PTPRF: variants seen among roughly 807,000 people sequenced by gnomAD.
PTPRF encodes protein tyrosine phosphatase receptor type F.
In PTPRF, 59 loss-of-function variants were observed where a neutral mutation model predicts 201.8. That is an observed-to-expected ratio of 0.29 (90% CI 0.24 to 0.36). The LOEUF (loss-of-function observed/expected upper bound fraction) is 0.36, where lower values mean the gene tolerates loss of function less well. PTPRF is among the 10% of genes least tolerant of loss of function. The pLI, the probability that PTPRF is intolerant of heterozygous loss-of-function variation, is 1.00. For missense variants in PTPRF, 2,132 were observed against 2,690.5 expected, an observed-to-expected ratio of 0.79 and a Z score of 4.59; for synonymous variants, 1,088 against 1,089.7, an observed-to-expected ratio of 1.00 and a Z score of 0.03.
rs546367950 is a variant in PTPRF at position 43,550,466 on chromosome 1, G to C, written c.92-3026G>C. 3.3e-5 allele frequency among the ~76,000 whole-genome samples: 5 copies of C among 152,294 alleles called. No homozygotes were observed. The East Asian group carries it at 9.6e-4, about 29-fold the overall frequency. Reference sequence around the variant, plus strand: ...GAGCTGGAGGGGCACTTTCTCCCTGGGTTTCTCTTCCCTGGTGCAGCAGGG... The same window carrying C: ...GAGCTGGAGGGGCACTTTCTCCCTGCGTTTCTCTTCCCTGGTGCAGCAGGG... On this transcript the variant is annotated intron_variant, in intron 3 of 33. Transcript: ENST00000359947.
chr1:43,600,033 C>T (rs902088288), intron 13 of PTPRF, among the ~76,000 whole-genome samples: 2 of 152,188 alleles, frequency 1.3e-5, no homozygotes, highest in African/African-American at 2.4e-5. Flanking sequence ...AGACAGGAGC[C>T]TTATTCCTCC....
At position 43,597,732 on chromosome 1, in the gene PTPRF, C is replaced by CA; in HGVS notation, c.1814-15dup. 6.9e-7 allele frequency: 1 copy of CA among 1,440,890 alleles called. No individual in the cohort carries two copies. The allele number at this position is 1,440,890 out of a possible 1,614,324, so 89.3% of individuals were successfully genotyped here. On this transcript the variant is annotated splice_polypyrimidine_tract_variant and intron_variant, in intron 11 of 33. Transcript: ENST00000359947. The stretch of plus-strand genomic sequence containing the variant: ...ACCCTCCATCTGCTTGCTTCCCCCC[C>CA]ATTTGTCTTCCCCAGCCCCCTCCGC...
intron 5 of PTPRF, among the ~76,000 whole-genome samples, chr1:43,568,069 G>T (rs370468115): frequency 6.6e-6 from 1 of 152,220 alleles, no homozygotes; most frequent in South Asian, 2.1e-4. Context: ...GCCGAGGCGG[G>T]TAGATCACCA....
intron 7 of PTPRF, chr1:43,583,047 G>A (rs1648146327): frequency 1.4e-5 from 14 of 983,126 alleles, no homozygotes; most frequent in African/African-American, 1.8e-5. Flanking sequence ...CATCTTCATC[G>A]CACTCTGCCA....
intron 21 of PTPRF, 51 bp downstream of exon 21, chr1:43,607,019 C>T (rs1324673233): frequency 6.3e-7 from 1 of 1,598,158 alleles, no homozygotes; most frequent in Non-Finnish European, 8.5e-7. Flanking sequence ...CCTCGCCTTT[C>T]AGGCCCTCTC....
chr1:43,611,413 C>T (rs942516715), intron 22 of PTPRF, among the ~76,000 whole-genome samples: 2 of 152,164 alleles, frequency 1.3e-5, no homozygotes, highest in South Asian at 2.1e-4. Flanking sequence ...ATTGCATGTG[C>T]GTCAAATTAT....
At position 43,617,306 on chromosome 1, in the gene PTPRF, C is replaced by G. The variant is rs551302670; in HGVS notation, c.4072-139C>G. 8.0e-6 allele frequency: 10 copies of G among 1,255,026 alleles called. No individual in the cohort carries two copies. The East Asian group carries it at 2.5e-4, about 31-fold the overall frequency. The allele number at this position is 1,255,026 out of a possible 1,614,324, so 77.7% of individuals were successfully genotyped here. A position where few individuals can be genotyped will look rare whatever the true frequency, so the allele number is the denominator to read the frequency against. The stretch of plus-strand genomic sequence containing the variant: ...AACCTGTGAGCTCCATGGCTGGCAC[C>G]ACGAGATAGAGGGCCTGGCTGTGGC... On this transcript the variant is annotated intron_variant, in intron 23 of 33. Transcript: ENST00000359947.
At chr1:43,619,224 C>T (rs531844091) in intron 27 of PTPRF, 22 bp downstream of exon 27, 6 of 1,481,510 alleles carry the variant, frequency 4.0e-6, no homozygotes, top group Non-Finnish European at 5.5e-6. Context: ...CAGTGCCACC[C>T]AGAGGGGTGG....
At chr1:43,573,977 C>CTTTTTTTTTTTTTTTTTTTTT (rs77543816) in intron 6 of PTPRF, among the ~76,000 whole-genome samples, 2 of 63,918 alleles carry the variant, frequency 3.1e-5, no homozygotes, top group East Asian at 1.3e-3. Flanking sequence ...TGTGTGGGTT[C>CTTTTTTTTTTTTTTTTTTTTT]TTTTTTTTTT....
rs1216259641 is a variant in PTPRF at position 43,620,943 on chromosome 1, A to G, written c.5470A>G (p.Lys1824Glu). The change falls in exon 32 of 34, where the codon AAG becomes GAG. Residue 1824 changes from lysine (K) to glutamate (E), a missense_variant. Transcript: ENST00000359947. ...GFIDFIGQVH[K>E]TKEQFGQDGP... ...CATTGACTTCATCGGGCAGGTGCAT[A>G]AGACCAAGGAGCAGTTTGGACAGGA... 1.9e-6 allele frequency: 3 copies of G among 1,614,078 alleles called. No individual in the cohort carries two copies. Among genetic ancestry groups the G allele is most frequent in the Admixed American group, 1.7e-5 (1 of 60,000 alleles).
At chr1:43,527,218 C>T (rs531141031), upstream of PTPRF, among the ~76,000 whole-genome samples, 1 of 152,182 alleles carries the variant, frequency 6.6e-6, no homozygotes, top group Non-Finnish European at 1.5e-5. Flanking sequence ...CACACAATGA[C>T]CACATGGTGC....
chr1:43,571,069 A>G (rs1478014973), intron 6 of PTPRF, among the ~76,000 whole-genome samples: 2 of 151,672 alleles, frequency 1.3e-5, no homozygotes, highest in Non-Finnish European at 1.5e-5. Flanking sequence ...TCGCTCACAC[A>G]TTGGTTCATC....
chr1:43,591,187 G>C lies in PTPRF; in HGVS notation c.1165G>C (p.Val389Leu), dbSNP rs1650602790. The change falls in exon 9 of 34, where the codon GTG (valine) becomes CTG (leucine). Residue 389 changes from valine to leucine, a missense_variant. By Grantham distance (32) the Val-to-Leu change is conservative (BLOSUM62 1). This residue lies in a region of PTPRF where 351 missense variants were observed against 401.7 expected (regional missense o/e 0.87). Transcript: ENST00000359947. ...CCCTTTCTCGGAATATGCCTTCCGC[G>C]TGCTGGCGGTGAACAGCATCGGGCG... ...LSPFSEYAFR[V>L]LAVNSIGRGP... 1 of 1,610,904 alleles carries C rather than the reference G, an allele frequency of 6.2e-7. No individual in the cohort carries two copies. Among genetic ancestry groups the C allele is most frequent in the Non-Finnish European group, 8.5e-7 (1 of 1,178,696 alleles).
At chr1:43,621,264 T>G (rs772636099) in intron 33 of PTPRF, 32 bp downstream of exon 33, 1 of 1,608,864 alleles carries the variant, frequency 6.2e-7, no homozygotes, top group African/African-American at 1.3e-5. Context: ...GGCCAGGGCC[T>G]TGGCAGCAGC....
intron 7 of PTPRF, among the ~76,000 whole-genome samples, chr1:43,583,668 C>T (rs1027490276): frequency 2.6e-5 from 4 of 152,202 alleles, no homozygotes; most frequent in African/African-American, 9.7e-5. Flanking sequence ...CCCACCAGGG[C>T]TTAATGGGGC....
At chr1:43,604,572 C>G (rs911792475) in intron 16 of PTPRF, among the ~76,000 whole-genome samples, 3 of 152,222 alleles carry the variant, frequency 2.0e-5, no homozygotes, top group Admixed American at 2.0e-4. Flanking sequence ...TGGCCACATG[C>G]TTCTCATGAC....
At chr1:43,541,628 T>C (rs976094548) in intron 2 of PTPRF, among the ~76,000 whole-genome samples, 1 of 152,244 alleles carries the variant, frequency 6.6e-6, no homozygotes, top group African/African-American at 2.4e-5. Flanking sequence ...ACAACTGCTA[T>C]CTGCTGTCCC....
intron 6 of PTPRF, among the ~76,000 whole-genome samples, chr1:43,573,923 G>C (rs189251686): frequency 1.5e-3 from 226 of 148,578 alleles, no homozygotes; most frequent in Non-Finnish European, 2.6e-3. Flanking sequence ...TTGGTCTCAG[G>C]ACCTCTACTT....
At chr1:43,531,574 C>CCAGCCGGCGGGGGATCCG (rs1200047526) in intron 1 of PTPRF, among the ~76,000 whole-genome samples, 4 of 149,476 alleles carry the variant, frequency 2.7e-5, no homozygotes, top group Non-Finnish European at 6.0e-5. Flanking sequence ...GCGCCCCCTC[C>CCAGCCGGCGGGGGATCCG]CAGCCGGCGG....
Sources: gnomAD v4.1 joint callset for allele counts (sites outside exome capture counted in the v4.1 genomes callset) on GRCh38, gnomAD v4.1.1 for gene constraint, gnomAD v4.1.1 regional missense constraint, MANE v1.5 for transcripts, NCBI Gene and HGNC (gene_info 2026-07-23, HGNC 2026-07-21) for gene names.